ADARB1: variants seen among roughly 807,000 people sequenced by gnomAD.
ADARB1 encodes double-stranded RNA-specific editase 1.
Under a neutral mutation model 52.4 loss-of-function variants are expected in ADARB1, and 10 were observed. The ratio of observed to expected loss-of-function variants is 0.19; its 90% CI spans 0.12 to 0.32. The LOEUF (loss-of-function observed/expected upper bound fraction) is 0.32, where lower values mean the gene tolerates loss of function less well. Ranked by LOEUF, ADARB1 falls within the 10% of genes least tolerant of loss-of-function variation. The probability of loss-of-function intolerance (pLI) is 1.00; values close to 1 mark genes in which losing one functional copy is unlikely to be tolerated. For synonymous variants in ADARB1, 349 were observed against 371.1 expected, an observed-to-expected ratio of 0.94 and a Z score of 0.68; for missense variants, 643 against 922.3, an observed-to-expected ratio of 0.70 and a Z score of 3.92.
intron 2 of ADARB1, among the ~76,000 whole-genome samples, chr21:45,131,637 A>C (rs1489139565): frequency 1.3e-5 from 2 of 152,140 alleles, no homozygotes; most frequent in Non-Finnish European, 2.9e-5. Flanking sequence ...TGCTCTGTGC[A>C]CAGTGTGGTG....
chr21:45,155,191 A>T (rs1264334195), intron 2 of ADARB1, among the ~76,000 whole-genome samples: 3 of 152,174 alleles, frequency 2.0e-5, no homozygotes, highest in African/African-American at 7.2e-5. Flanking sequence ...GGGCTCCCCC[A>T]TGTTTCCAGG....
rs190068716 is a variant in ADARB1 at position 45,224,892 on chromosome 21, G to C, written c.*2695G>C. ...GCACTTTAATCCCTCCCTTCTGAGC[G>C]CTCGGTGTGCACTTTTAGACTATAG... is the stretch of plus-strand genomic sequence containing the variant. On this transcript the variant is annotated 3_prime_UTR_variant, in exon 11 of 11. Transcript: ENST00000348831. The C allele has an allele frequency of 1.0e-6, 1 of 985,636 alleles. No individual in the cohort carries two copies. The highest frequency in any genetic ancestry group is 6.1e-5 in the Admixed American group (1 of 16,266). The allele number at this position is 985,636 out of a possible 1,614,324, so 61.1% of individuals were successfully genotyped here.
chr21:45,122,480 T>G (rs2088258236), intron 1 of ADARB1, among the ~76,000 whole-genome samples: 1 of 152,230 alleles, frequency 6.6e-6, no homozygotes, highest in Admixed American at 6.5e-5. Context: ...AAACCCATTG[T>G]GGAAACCCCT....
At chr21:45,203,957 A>C (rs1293137750) in intron 8 of ADARB1, among the ~76,000 whole-genome samples, 1 of 152,234 alleles carries the variant, frequency 6.6e-6, no homozygotes, top group African/African-American at 2.4e-5. Flanking sequence ...GTAAGAAATT[A>C]ACAGTCACTA....
intron 1 of ADARB1, among the ~76,000 whole-genome samples, chr21:45,075,294 C>T (rs889310474): frequency 2.0e-5 from 3 of 150,778 alleles, no homozygotes; most frequent in Non-Finnish European, 4.4e-5. Flanking sequence ...TAGGCTATGT[C>T]CCTGGGGAGA....
In ADARB1 at chr21:45,226,268, A is replaced by G. The variant is rs749139236; in HGVS notation, c.*4071A>G. Reference sequence around the variant, plus strand: ...AACTGAACGGTTAAAAGCACAGTCTATGGAACGCTAATGGAGTCAGCCCCT... The same window carrying G: ...AACTGAACGGTTAAAAGCACAGTCTGTGGAACGCTAATGGAGTCAGCCCCT... On this transcript the variant is annotated 3_prime_UTR_variant, in exon 11 of 11. Transcript: ENST00000348831. The G allele has an allele frequency of 6.6e-5, 10 of 152,594 alleles. No homozygotes were observed. Among genetic ancestry groups the G allele is most frequent in the Admixed American group, 3.3e-4 (5 of 15,290 alleles). The allele number at this position is 152,594 out of a possible 1,614,324, so 9.5% of individuals were successfully genotyped here.
chr21:45,087,232 C>T (rs928042189), intron 1 of ADARB1, among the ~76,000 whole-genome samples: 1 of 152,208 alleles, frequency 6.6e-6, no homozygotes, highest in East Asian at 1.9e-4. Flanking sequence ...GAAGATAGAC[C>T]TCCAACAATG....
chr21:45,098,851 C>T (rs2086881077), intron 1 of ADARB1, among the ~76,000 whole-genome samples: 1 of 152,186 alleles, frequency 6.6e-6, no homozygotes, highest in Non-Finnish European at 1.5e-5. Flanking sequence ...AGAGACTTCT[C>T]TGGCATTGAC....
chr21:45,076,601 C>G (rs1033498431), intron 1 of ADARB1, among the ~76,000 whole-genome samples: 1 of 152,174 alleles, frequency 6.6e-6, no homozygotes, highest in South Asian at 2.1e-4. Context: ...GTGACGTGCT[C>G]ATGCAGTTGT....
Position 45,177,234 on chromosome 21 carries a change from A to T in ADARB1, c.963+570A>T, listed in dbSNP as rs1163985868. Reference sequence around the variant, plus strand: ...ATCAAAGCAGCGAATGAGCCAGCACAGCAGTGAGCACCTATCAGAGCGCAG... The same window carrying T: ...ATCAAAGCAGCGAATGAGCCAGCACTGCAGTGAGCACCTATCAGAGCGCAG... On this transcript the variant is annotated intron_variant, in intron 4 of 10. Coordinates refer to ENST00000348831, the MANE Select transcript of ADARB1 (RefSeq NM_001112.4). 1.9e-5 allele frequency: 3 copies of T among 155,474 alleles called. 1 individual carries two copies. In the East Asian group the frequency reaches 5.7e-4, roughly 30 times the overall value. The allele number at this position is 155,474 out of a possible 1,614,324, so 9.6% of individuals were successfully genotyped here. A position where few individuals can be genotyped will look rare whatever the true frequency, so the allele number is the denominator to read the frequency against.
chr21:45,109,159 GTA>G (rs2087396418), intron 1 of ADARB1, among the ~76,000 whole-genome samples: 1 of 151,088 alleles, frequency 6.6e-6, no homozygotes, highest in Admixed American at 6.6e-5. Flanking sequence ...GCGCGTGTGC[GTA>G]TATGTGTGTG....
At chr21:45,153,629 A>G (rs1601629277) in intron 2 of ADARB1, among the ~76,000 whole-genome samples, 2 of 152,234 alleles carry the variant, frequency 1.3e-5, no homozygotes, top group East Asian at 1.9e-4. Context: ...ATGAATCTCA[A>G]AGTCAGCAAT....
chr21:45,152,584 G>C, intron 2 of ADARB1: 1 of 385,052 alleles, frequency 2.6e-6, no homozygotes, highest in South Asian at 1.8e-5. Context: ...GCTGGGGCCG[G>C]CCGGACTGGC....
Position 45,183,492 on chromosome 21 carries a change from CATGAGCCA to C in ADARB1, c.1381_1388del (p.Glu461ProfsTer7). ...TGGAGATGCCAGAATCTTCTCACCA[CATGAGCCA>C]ATCCTGGAAGGTATGAGACGAGATT... On this transcript the variant is annotated frameshift_variant, in exon 7 of 11. Transcript: ENST00000348831. LOFTEE classifies it high-confidence loss of function. 1 of 1,612,042 alleles carries C rather than the reference CATGAGCCA, an allele frequency of 6.2e-7. No individual in the cohort carries two copies. The highest frequency in any genetic ancestry group is 8.5e-7 in the Non-Finnish European group (1 of 1,179,482).
At chr21:45,092,594 C>T (rs572448947) in intron 1 of ADARB1, among the ~76,000 whole-genome samples, 3 of 152,126 alleles carry the variant, frequency 2.0e-5, no homozygotes, top group South Asian at 4.2e-4. Flanking sequence ...TTATTGTTCT[C>T]CTGTTGGATT....
intron 1 of ADARB1, among the ~76,000 whole-genome samples, chr21:45,086,689 A>G (rs185358830): frequency 9.8e-4 from 150 of 152,344 alleles, no homozygotes; most frequent in African/African-American, 3.4e-3. Flanking sequence ...GTATTGGCGT[A>G]GCGTGTTCGT....
chr21:45,078,024 G>A (rs1381317460), intron 1 of ADARB1, among the ~76,000 whole-genome samples: 1 of 152,128 alleles, frequency 6.6e-6, no homozygotes, highest in East Asian at 1.9e-4. Flanking sequence ...ACAGCTGTTG[G>A]GCTAGGGCCA....
At chr21:45,188,730 A>G (rs13433524) in intron 8 of ADARB1, among the ~76,000 whole-genome samples, 25,613 of 151,874 alleles carry the variant, frequency 0.17, 3,222 homozygotes, top group African/African-American at 0.35. Context: ...GCTGTTTTCT[A>G]TATGCTTGTA....
intron 2 of ADARB1, among the ~76,000 whole-genome samples, chr21:45,148,391 A>G (rs953936503): frequency 1.3e-5 from 2 of 152,190 alleles, no homozygotes; most frequent in African/African-American, 2.4e-5. Context: ...TATTGTCAGC[A>G]TTGAAGGAAA....
Sources: gnomAD v4.1 joint callset for allele counts (sites outside exome capture counted in the v4.1 genomes callset) on GRCh38, gnomAD v4.1.1 for gene constraint, MANE v1.5 for transcripts, NCBI Gene and HGNC (gene_info 2026-07-23, HGNC 2026-07-21) for gene names.